PLCH1: variants seen among roughly 807,000 people sequenced by gnomAD.
PLCH1 encodes 1-phosphatidylinositol 4,5-bisphosphate phosphodiesterase eta-1.
In PLCH1, 60 loss-of-function variants were observed where a neutral mutation model predicts 126.7. The observed-to-expected ratio is 0.47, with a 90% CI of 0.38 to 0.59. The LOEUF is 0.59. Among genes scored for constraint, PLCH1 ranks in the 20% least tolerant of loss-of-function variants. The pLI is 0.00. For synonymous variants in PLCH1, 719 were observed against 734.9 expected (o/e 0.98, Z 0.35); for missense variants, 1,723 against 2,040.0 (o/e 0.84, Z 2.99).
chr3:155,458,453 G>GGAAGGAAGGAAGGAAAGAAA (rs1712545447), intron 21 of PLCH1, among the ~76,000 whole-genome samples: 2 of 28,684 alleles, frequency 7.0e-5, no homozygotes, highest in Non-Finnish European at 5.6e-5. Flanking sequence ...AAGGAAGGAA[G>GGAAGGAAGGAAGGAAAGAAA]GAAAGAAAGA....
intron 21 of PLCH1, among the ~76,000 whole-genome samples, chr3:155,474,196 C>T (rs1484104344): frequency 6.6e-6 from 1 of 151,092 alleles, no homozygotes; most frequent in Non-Finnish European, 1.5e-5. Flanking sequence ...GGGCTAATAT[C>T]CAGAATCTAC....
At chr3:155,549,169 A>C (rs1725777217) in intron 10 of PLCH1, among the ~76,000 whole-genome samples, 1 of 152,206 alleles carries the variant, frequency 6.6e-6, no homozygotes, top group Non-Finnish European at 1.5e-5. Flanking sequence ...CTTTCTGGCT[A>C]TTCTTTGCAT....
At chr3:155,486,199 G>A in intron 21 of PLCH1, 1 of 1,543,126 alleles carries the variant, frequency 6.5e-7, no homozygotes, top group Non-Finnish European at 8.8e-7. Flanking sequence ...GAGTATTAAA[G>A]GGCTCCACTG....
At chr3:155,742,978 C>T in intron 1 of PLCH1, 1 of 232,746 alleles carries the variant, frequency 4.3e-6, no homozygotes, top group Non-Finnish European at 8.6e-6. Flanking sequence ...TTTTATGCCA[C>T]ACTTTATCCC....
chr3:155,512,053 G>C (rs1466240174), intron 12 of PLCH1, among the ~76,000 whole-genome samples: 1 of 150,276 alleles, frequency 6.7e-6, no homozygotes, highest in African/African-American at 2.5e-5. Context: ...ATAGTCTCGT[G>C]GTGCGCCGTT....
intron 2 of PLCH1, among the ~76,000 whole-genome samples, chr3:155,641,060 T>C (rs1346795946): frequency 6.6e-6 from 1 of 152,044 alleles, no homozygotes; most frequent in Non-Finnish European, 1.5e-5. Context: ...TAAAAAGAAG[T>C]AGAGTGCAAA....
chr3:155,564,835 A>ATTCT, intron 8 of PLCH1, 80 bp downstream of exon 8: 1 of 868,724 alleles, frequency 1.2e-6, no homozygotes, highest in Admixed American at 1.8e-5. Flanking sequence ...TTAGGTCTCC[A>ATTCT]TTCTTTATAC....
intron 2 of PLCH1, among the ~76,000 whole-genome samples, chr3:155,668,261 C>T (rs1025871499): frequency 1.3e-5 from 2 of 152,084 alleles, no homozygotes; most frequent in Non-Finnish European, 2.9e-5. Context: ...ATTTGCTTCA[C>T]TTTGCTTTGT....
intron 2 of PLCH1, among the ~76,000 whole-genome samples, chr3:155,664,778 C>T (rs543453249): frequency 6.6e-6 from 1 of 152,006 alleles, no homozygotes; most frequent in African/African-American, 2.4e-5. Context: ...AAATTTAATC[C>T]CTCATACCAA....
intron 9 of PLCH1, among the ~76,000 whole-genome samples, chr3:155,553,167 T>C (rs1267483506): frequency 6.6e-6 from 1 of 152,140 alleles, no homozygotes; most frequent in Non-Finnish European, 1.5e-5. Flanking sequence ...CAGGCTGGAG[T>C]GCAGTGGTGC....
At chr3:155,536,131 C>A (rs190361801) in intron 10 of PLCH1, among the ~76,000 whole-genome samples, 9 of 152,266 alleles carry the variant, frequency 5.9e-5, no homozygotes, top group Non-Finnish European at 1.5e-5. Flanking sequence ...TGGGAGGGCA[C>A]CACATAAGAA....
At chr3:155,496,209 T>G (rs1372446234) in intron 15 of PLCH1, among the ~76,000 whole-genome samples, 1 of 152,296 alleles carries the variant, frequency 6.6e-6, no homozygotes, top group South Asian at 2.1e-4. Flanking sequence ...CAGAGCTAAA[T>G]AGTACTCAAG....
chr3:155,743,272 C>T (rs1749745560), intron 1 of PLCH1: 1 of 453,244 alleles, frequency 2.2e-6, no homozygotes, highest in Non-Finnish European at 4.4e-6. Flanking sequence ...TGGCTCACGC[C>T]TGTGATCCCC....
intron 1 of PLCH1, among the ~76,000 whole-genome samples, chr3:155,721,143 G>A (rs977469666): frequency 6.6e-6 from 1 of 152,190 alleles, no homozygotes; most frequent in Non-Finnish European, 1.5e-5. Context: ...TTGAAGTCAG[G>A]TAATAGGATG....
chr3:155,664,753 A>G (rs1742545336), intron 2 of PLCH1, among the ~76,000 whole-genome samples: 1 of 152,218 alleles, frequency 6.6e-6, no homozygotes, highest in African/African-American at 2.4e-5. Context: ...AAGCTATTTC[A>G]TATATATTAG....
chr3:155,485,369 T>A lies in PLCH1; in HGVS notation c.2961A>T (p.Lys987Asn), dbSNP rs766090067. The change falls in exon 22 of 23, where the codon AAA becomes AAT. Residue 987 changes from lysine (K) to asparagine (N), a missense_variant. This residue lies in a region of PLCH1 where 947 missense variants were observed against 977.1 expected (regional missense o/e 0.97). Transcript: ENST00000460012. ...VSETAKDIEGKENSLAEDKDG... is the reference protein window; with the variant it reads ...VSETAKDIEGNENSLAEDKDG... ...AAAGCATCTTACCTAGAGAGTTTTCTTTTCCTTCAATGTCTTTTGCTGTTT... is the reference window on the plus strand; with the variant it reads ...AAAGCATCTTACCTAGAGAGTTTTCATTTCCTTCAATGTCTTTTGCTGTTT... The A allele has an allele frequency of 1.9e-6, 3 of 1,600,274 alleles. No individual in the cohort carries two copies. The highest frequency in any genetic ancestry group is 2.6e-6 in the Non-Finnish European group (3 of 1,168,524).
intron 6 of PLCH1, among the ~76,000 whole-genome samples, chr3:155,571,094 C>T (rs1290912252): frequency 6.6e-6 from 1 of 152,086 alleles, no homozygotes; most frequent in African/African-American, 2.4e-5. Context: ...ACCTATTTAT[C>T]CTCAGACTTC....
intron 10 of PLCH1, among the ~76,000 whole-genome samples, chr3:155,537,526 T>C (rs1198661784): frequency 1.3e-5 from 2 of 151,942 alleles, no homozygotes; most frequent in East Asian, 3.9e-4. Context: ...TAAGGACTCA[T>C]AAACTTAAAG....
chr3:155,679,187 T>C (rs1374260749), intron 2 of PLCH1, among the ~76,000 whole-genome samples: 1 of 152,250 alleles, frequency 6.6e-6, no homozygotes, highest in Non-Finnish European at 1.5e-5. Flanking sequence ...ACAAATAATT[T>C]TCAGTATAAG....
Sources: gnomAD v4.1 joint callset for allele counts (sites outside exome capture counted in the v4.1 genomes callset) on GRCh38, gnomAD v4.1.1 for gene constraint, gnomAD v4.1.1 regional missense constraint, MANE v1.5 for transcripts, NCBI Gene and HGNC (gene_info 2026-07-23, HGNC 2026-07-21) for gene names.